The following TRPM4 variants were observed in gnomAD, a reference collection of about 807,000 sequenced individuals.
TRPM4 encodes the protein calcium-activated non-selective cation channel 1.
TRPM4 carries 124 observed loss-of-function variants against 135.6 expected under a neutral mutation model. The observed-to-expected ratio is 0.91, with a 90% CI of 0.79 to 1.06. TRPM4 has a LOEUF of 1.06. Among genes scored for constraint, TRPM4 ranks in the 50% least tolerant of loss-of-function variants. The pLI, the probability that TRPM4 is intolerant of heterozygous loss-of-function variation, is 0.00. For missense variants in TRPM4, 1,658 were observed against 1,671.4 expected, an observed-to-expected ratio of 0.99 and a Z score of 0.14; for synonymous variants, 745 against 705.6, an observed-to-expected ratio of 1.06 and a Z score of -0.88.
intron 20 of TRPM4, among the ~76,000 whole-genome samples, chr19:49,203,774 G>C (rs565336562): frequency 6.6e-6 from 1 of 152,176 alleles, no homozygotes; most frequent in East Asian, 1.9e-4. Context: ...CCCTGTTGTA[G>C]TGTGCATCAG....
chr19:49,183,051 C>T, intron 11 of TRPM4, 27 bp from the exon 12 acceptor site: 2 of 1,609,206 alleles, frequency 1.2e-6, no homozygotes, highest in African/African-American at 2.7e-5. Flanking sequence ...AGGGGCTGGT[C>T]CTCACCACCC....
intron 4 of TRPM4, 51 bp downstream of exon 4, chr19:49,168,148 T>A: frequency 2.5e-6 from 4 of 1,591,418 alleles, no homozygotes; most frequent in Non-Finnish European, 2.6e-6. Flanking sequence ...CTGCCTGCCA[T>A]CTCCCCCACG....
chr19:49,176,337 C>T (rs1156266328), intron 9 of TRPM4, among the ~76,000 whole-genome samples: 1 of 152,170 alleles, frequency 6.6e-6, no homozygotes, highest in East Asian at 1.9e-4. Flanking sequence ...AAGTGATTCT[C>T]TCGCATCAGC....
intron 2 of TRPM4, among the ~76,000 whole-genome samples, chr19:49,163,364 T>A (rs1012106100): frequency 1.3e-5 from 2 of 151,240 alleles, no homozygotes; most frequent in African/African-American, 4.9e-5. Flanking sequence ...CCCGGCTAAT[T>A]TTTGTATTTT....
intron 14 of TRPM4, among the ~76,000 whole-genome samples, chr19:49,189,674 A>C (rs1420485196): frequency 6.6e-6 from 1 of 152,000 alleles, no homozygotes; most frequent in East Asian, 1.9e-4. Flanking sequence ...TTTTGGAAAC[A>C]TTATCAATAT....
intron 6 of TRPM4, among the ~76,000 whole-genome samples, chr19:49,169,427 G>T (rs1967367624): frequency 9.8e-6 from 1 of 102,516 alleles, no homozygotes; most frequent in African/African-American, 4.0e-5. Flanking sequence ...TGGGATTACA[G>T]GCACGTGCCA....
At chr19:49,197,023 G>A in intron 17 of TRPM4, 149 bp downstream of exon 17, 2 of 786,430 alleles carry the variant, frequency 2.5e-6, no homozygotes, top group Non-Finnish European at 3.9e-6. Context: ...GGAAAGTCGG[G>A]CATGACGATT....
intron 11 of TRPM4, 23 bp from the exon 12 acceptor site, chr19:49,183,055 A>C: frequency 6.2e-7 from 1 of 1,609,716 alleles, no homozygotes; most frequent in Non-Finnish European, 8.5e-7. Flanking sequence ...GCTGGTCCTC[A>C]CCACCCCTCC....
chr19:49,180,495 T>G (rs891632721), intron 9 of TRPM4, among the ~76,000 whole-genome samples: 3 of 150,302 alleles, frequency 2.0e-5, no homozygotes, highest in Non-Finnish European at 4.4e-5. Context: ...GGGCCTTTGC[T>G]TCTGCTGTGC....
intron 9 of TRPM4, among the ~76,000 whole-genome samples, chr19:49,177,330 CT>C (rs36041791): frequency 0.069 from 8,037 of 117,132 alleles, 208 homozygotes; most frequent in African/African-American, 0.14. Flanking sequence ...ATGAATGCGT[CT>C]TTTTTTTTTT....
intron 12 of TRPM4, 120 bp downstream of exon 12, chr19:49,183,332 T>C (rs1968073411): frequency 7.8e-7 from 1 of 1,275,644 alleles, no homozygotes; most frequent in Non-Finnish European, 1.1e-6. Flanking sequence ...CGCCCCATCC[T>C]CCGTCGCTGA....
At chr19:49,159,924 G>A (rs940489598) in intron 2 of TRPM4, 4 of 152,232 alleles carry the variant, frequency 2.6e-5, no homozygotes, top group Non-Finnish European at 5.9e-5. Context: ...CTTGTTGGAC[G>A]TGAGTGCTCA....
chr19:49,184,611 C>G (rs1968127611), intron 12 of TRPM4, among the ~76,000 whole-genome samples: 1 of 151,794 alleles, frequency 6.6e-6, no homozygotes, highest in South Asian at 2.1e-4. Flanking sequence ...TCCCAAGTAG[C>G]TGGGACTACA....
Position 49,171,983 on chromosome 19 carries a change from G to A in TRPM4, c.1051-26G>A, listed in dbSNP as rs779438356. ...AGGAGTTGGGGATGGAGGCGGGCTA[G>A]GGATGCAGAACTGGCTATTCCACAG... On this transcript the variant is annotated intron_variant, in intron 8 of 24. Coordinates refer to ENST00000252826, the MANE Select transcript of TRPM4 (RefSeq NM_017636.4). This position sits in a 1 kb window ranked among gnomAD's most constrained non-coding sequence, Gnocchi z 4.7. 6.3e-7 allele frequency: 1 copy of A among 1,593,630 alleles called. No individual in the cohort carries two copies. The highest frequency in any genetic ancestry group is 1.1e-5 in the South Asian group (1 of 90,688).
chr19:49,182,787 A>T lies in TRPM4; in HGVS notation c.1473A>T (p.Leu491=). 1 of 1,577,682 alleles carries T rather than the reference A, an allele frequency of 6.3e-7. No individual in the cohort carries two copies. The highest frequency in any genetic ancestry group is 8.7e-7 in the Non-Finnish European group (1 of 1,148,750). ...GCGCAGGCACCAAAGCCCCAGCCCT[A>T]AAAGGGGGAGCTGCGGAGCTCCGGC... ...SHSAGTKAPA[L]KGGAAELRPP... Residue 491 remains leucine, a synonymous_variant, in exon 11 of 25, where the codon CTA becomes CTT. Transcript: ENST00000252826.
chr19:49,168,078 G>A lies in TRPM4; in HGVS notation c.429G>A (p.Val143=), dbSNP rs752033358. 1.2e-6 allele frequency: 2 copies of A among 1,607,356 alleles called. No individual in the cohort carries two copies. The highest frequency in any genetic ancestry group is 1.7e-6 in the Non-Finnish European group (2 of 1,178,984). The change falls in exon 4 of 25, where the codon GTG becomes GTA. Residue 143 remains valine, a synonymous_variant. Coordinates refer to ENST00000252826, the MANE Select transcript of TRPM4 (RefSeq NM_017636.4). ...WLQDLLRRGL[V]RAAQSTGAWI... The stretch of plus-strand genomic sequence containing the variant: ...AGGACCTGCTGCGTCGTGGGCTGGT[G>A]CGGGCTGCCCAGAGCACAGGTGACC...
chr19:49,196,488 G>C lies in TRPM4; in HGVS notation c.2259G>C (p.Ser753=), dbSNP rs773584639. 2 of 1,554,852 alleles carry C rather than the reference G, an allele frequency of 1.3e-6. No homozygotes were observed. Among genetic ancestry groups the C allele is most frequent in the Non-Finnish European group, 1.7e-6 (2 of 1,153,532 alleles). ...EKTPLGVPRQ[S]GRPGCCGGRC... The stretch of plus-strand genomic sequence containing the variant: ...CGCCGCTGGGGGTCCCGCGCCAGTC[G>C]GGCCGTCCGGGTTGCTGCGGGGGCC... Residue 753 remains serine (S), a synonymous_variant, in exon 17 of 25, where the codon TCG becomes TCC. Transcript: ENST00000252826.
intron 12 of TRPM4, among the ~76,000 whole-genome samples, chr19:49,188,437 C>A (rs1255605337): frequency 6.6e-6 from 1 of 152,184 alleles, no homozygotes; most frequent in East Asian, 1.9e-4. Context: ...GACTTGCATC[C>A]CTGGTCTCTG....
chr19:49,192,334 G>A (rs960853576), intron 16 of TRPM4, among the ~76,000 whole-genome samples: 5 of 151,920 alleles, frequency 3.3e-5, no homozygotes, highest in African/African-American at 1.2e-4. Context: ...TAGTAGAGAC[G>A]GGGTTTCACC....
Sources: allele counts gnomAD v4.1 joint callset (sites outside exome capture counted in the v4.1 genomes callset), GRCh38; gene constraint gnomAD v4.1.1; non-coding constraint Gnocchi (gnomAD v3.1); transcripts MANE v1.5; gene names NCBI Gene and HGNC (gene_info 2026-07-23, HGNC 2026-07-21).